The following CCDC149 variants were observed in gnomAD, a reference collection of about 807,000 sequenced individuals.
CCDC149 encodes the protein coiled-coil domain containing 149.
Under a neutral mutation model 59.9 loss-of-function variants are expected in CCDC149, and 45 were observed. The ratio of observed to expected loss-of-function variants is 0.75; its 90% CI spans 0.59 to 0.96. The LOEUF (loss-of-function observed/expected upper bound fraction) is 0.96. CCDC149 is among the 40% of genes least tolerant of loss of function. The pLI is 0.00. For missense variants in CCDC149, 584 were observed against 664.7 expected, an observed-to-expected ratio of 0.88 and a Z score of 1.33; for synonymous variants, 245 against 260.6, an observed-to-expected ratio of 0.94 and a Z score of 0.58.
chr4:24,904,333 T>G (rs1721349472), intron 1 of CCDC149, among the ~76,000 whole-genome samples: 1 of 152,234 alleles, frequency 6.6e-6, no homozygotes, highest in Non-Finnish European at 1.5e-5. Flanking sequence ...CCCTATACCA[T>G]GTACCCTGTA....
chr4:24,837,398 A>T lies in CCDC149; in HGVS notation c.492T>A (p.Ile164=). 1 of 1,614,072 alleles carries T rather than the reference A, an allele frequency of 6.2e-7. No homozygotes were observed. The highest frequency in any genetic ancestry group is 8.5e-7 in the Non-Finnish European group (1 of 1,179,972). Residue 164 remains isoleucine, a splice_region_variant and synonymous_variant, in exon 6 of 13, where the codon ATT becomes ATA. Coordinates refer to ENST00000635206, the MANE Select transcript of CCDC149 (RefSeq NM_001330643.2). The surrounding 1 kb of genome is among the most constrained non-coding windows in gnomAD (Gnocchi z 4.3). ...CCTGCAGGTCGTGCTCCAGAGACTC[A>T]ATCTAAAACCACAGGGAGAGCCCTT...
chr4:24,852,476 CA>C (rs1275007166), intron 4 of CCDC149, among the ~76,000 whole-genome samples: 2 of 152,114 alleles, frequency 1.3e-5, no homozygotes, highest in Non-Finnish European at 2.9e-5. Context: ...TTTCCTTTCT[CA>C]GTTGTACTTT....
chr4:24,845,188 C>T (rs555747422), intron 4 of CCDC149, among the ~76,000 whole-genome samples: 11 of 152,272 alleles, frequency 7.2e-5, no homozygotes, highest in South Asian at 2.1e-4. Flanking sequence ...AAAAGGCAAA[C>T]GGCATGCCTT....
chr4:24,850,652 G>A (rs1455242533), intron 4 of CCDC149, among the ~76,000 whole-genome samples: 1 of 152,174 alleles, frequency 6.6e-6, no homozygotes, highest in Non-Finnish European at 1.5e-5. Flanking sequence ...CATGATCATG[G>A]AGGCCTAGGC....
rs562015975 is a variant in CCDC149, at chr4:24,912,579, G to A, written c.63+238C>T. On this transcript the variant is annotated intron_variant, in intron 1 of 12. Transcript: ENST00000635206. ...CCAGGGCCAACCCCTGCCTTGGGGG[G>A]AAGGCCCCTCCCCAAAGGCTGACAC... 2.6e-4 allele frequency among the ~76,000 whole-genome samples: 39 copies of A among 152,170 alleles called. 1 individual carries two copies. The highest frequency in any genetic ancestry group is 2.2e-3 in the Admixed American group (33 of 15,302).
intron 2 of CCDC149, among the ~76,000 whole-genome samples, chr4:24,874,306 C>G (rs974825320): frequency 7.8e-6 from 1 of 127,914 alleles, no homozygotes; most frequent in East Asian, 2.5e-4. Flanking sequence ...TCTGGCCAGG[C>G]GTGGTGGCTC....
intron 1 of CCDC149, among the ~76,000 whole-genome samples, chr4:24,881,460 A>C (rs533452962): frequency 1.3e-5 from 2 of 152,360 alleles, no homozygotes; most frequent in East Asian, 3.9e-4. Context: ...TAGGGTTGCC[A>C]CAGGATAACA....
chr4:24,871,499 C>G (rs1719039598), intron 3 of CCDC149, among the ~76,000 whole-genome samples: 1 of 152,206 alleles, frequency 6.6e-6, no homozygotes, highest in South Asian at 2.1e-4. Context: ...TCACCATCAT[C>G]TGGACTCCCT....
At chr4:24,822,464 A>G in intron 10 of CCDC149, 33 bp downstream of exon 10, 1 of 1,410,184 alleles carries the variant, frequency 7.1e-7, no homozygotes, top group Non-Finnish European at 9.5e-7. Context: ...GAAAAAAAAA[A>G]AAGGAAAATT....
At chr4:24,892,371 C>T (rs969827036) in intron 1 of CCDC149, among the ~76,000 whole-genome samples, 2 of 152,162 alleles carry the variant, frequency 1.3e-5, no homozygotes, top group Non-Finnish European at 2.9e-5. Flanking sequence ...AGGCTTTTAG[C>T]CCAGTAACTG....
intron 3 of CCDC149, among the ~76,000 whole-genome samples, chr4:24,870,902 G>A (rs142585782): frequency 5.1e-3 from 768 of 151,916 alleles, no homozygotes; most frequent in African/African-American, 0.016. Context: ...AAAATTAGCC[G>A]GGCATGGTGG....
At chr4:24,841,458 G>A (rs530112568) in intron 4 of CCDC149, among the ~76,000 whole-genome samples, 1 of 152,332 alleles carries the variant, frequency 6.6e-6, no homozygotes, top group African/African-American at 2.4e-5. Flanking sequence ...CAATCATTTG[G>A]TGTTTAATGT....
At chr4:24,870,391 T>C (rs1718966522) in intron 3 of CCDC149, among the ~76,000 whole-genome samples, 2 of 152,144 alleles carry the variant, frequency 1.3e-5, no homozygotes, top group South Asian at 4.1e-4. Flanking sequence ...TGTAAGGTAA[T>C]TAATTCGTTT....
rs1226370301 is a variant in CCDC149, at chr4:24,822,564, C to T, written c.975G>A (p.Gly325=). 5.0e-5 allele frequency: 77 copies of T among 1,533,316 alleles called. No homozygotes were observed. The highest frequency in any genetic ancestry group is 6.4e-5 in the Non-Finnish European group (73 of 1,139,342). The allele number at this position is 1,533,316 out of a possible 1,614,324, so 95.0% of individuals were successfully genotyped here. A position where few individuals can be genotyped will look rare whatever the true frequency, so the allele number is the denominator to read the frequency against. ...TTTTTTCCAGCTCAGCCACCCGATTCCCTAGGATTCTGAAAAAAGGGGAGA... is the reference window on the plus strand; with the variant it reads ...TTTTTTCCAGCTCAGCCACCCGATTTCCTAGGATTCTGAAAAAAGGGGAGA... The change falls in exon 10 of 13, where the codon GGG becomes GGA. Residue 325 remains glycine (G), a synonymous_variant. Coordinates refer to ENST00000635206, the MANE Select transcript of CCDC149 (RefSeq NM_001330643.2).
At chr4:24,864,009 G>A (rs368729093) in intron 3 of CCDC149, among the ~76,000 whole-genome samples, 30 of 152,180 alleles carry the variant, frequency 2.0e-4, no homozygotes, top group African/African-American at 6.0e-4. Context: ...CCTTTCTGCA[G>A]AAAGTAAAGA....
At position 24,894,839 on chromosome 4, in the gene CCDC149, A is replaced by T. The variant is rs193048136; in HGVS notation, c.63+17978T>A. ...GCACAAGCAGGCCTTGAAGAAAAAAAATCTCAAAGTCGCTGACACCCCTGC... is the reference window on the plus strand; with the variant it reads ...GCACAAGCAGGCCTTGAAGAAAAAATATCTCAAAGTCGCTGACACCCCTGC... On this transcript the variant is annotated intron_variant, in intron 1 of 12. Coordinates refer to ENST00000635206, the MANE Select transcript of CCDC149 (RefSeq NM_001330643.2). 2.0e-5 allele frequency among the ~76,000 whole-genome samples: 3 copies of T among 152,234 alleles called. No homozygotes were observed. In the East Asian group the frequency reaches 5.8e-4, roughly 30 times the overall value.
chr4:24,865,690 A>G (rs1718652467), intron 3 of CCDC149, among the ~76,000 whole-genome samples: 3 of 152,218 alleles, frequency 2.0e-5, no homozygotes, highest in South Asian at 2.1e-4. Context: ...GGAGGTTGCT[A>G]TTTAAATAAA....
intron 1 of CCDC149, among the ~76,000 whole-genome samples, chr4:24,910,638 C>A (rs1038403066): frequency 2.6e-5 from 4 of 152,152 alleles, no homozygotes; most frequent in Admixed American, 6.5e-5. Flanking sequence ...CTTGGGAAGC[C>A]TGCCATCTAG....
chr4:24,952,659 A>G lies in CCDC149; in HGVS notation c.-65+27410T>C, dbSNP rs1207972198. ...TATATATATATATATATATATATAT[A>G]TATATAGTGGTAAAAGACACATAAC... On this transcript the variant is annotated intron_variant, in intron 1 of 12. Transcript: ENST00000389609. Among the ~76,000 whole-genome samples the G allele has an allele frequency of 3.1e-5, 4 of 127,796 alleles. No homozygotes were observed. In the South Asian group the frequency reaches 8.1e-4, roughly 26 times the overall value. The allele number at this position is 127,796 out of a possible 152,430, so 83.8% of individuals were successfully genotyped here.
Sources: gnomAD v4.1 joint callset for allele counts (sites outside exome capture counted in the v4.1 genomes callset) on GRCh38, gnomAD v4.1.1 for gene constraint, Gnocchi (gnomAD v3.1) non-coding constraint, MANE v1.5 for transcripts, NCBI Gene and HGNC (gene_info 2026-07-23, HGNC 2026-07-21) for gene names.